The following CCDC149 variants were observed in gnomAD, a reference collection of about 807,000 sequenced individuals.
CCDC149 encodes the protein coiled-coil domain containing 149, also known as coiled-coil domain-containing protein 149.
Under a neutral mutation model 59.9 loss-of-function variants are expected in CCDC149, and 45 were observed. The ratio of observed to expected loss-of-function variants is 0.75; its 90% CI spans 0.59 to 0.96. The LOEUF is 0.96. CCDC149 is among the 40% of genes least tolerant of loss of function. The pLI is 0.00. For synonymous variants in CCDC149, 245 were observed against 260.6 expected, an observed-to-expected ratio of 0.94 and a Z score of 0.58; for missense variants, 584 against 664.7, an observed-to-expected ratio of 0.88 and a Z score of 1.33.
chr4:24,906,692 C>T (rs1721558311), intron 1 of CCDC149, among the ~76,000 whole-genome samples: 1 of 152,098 alleles, frequency 6.6e-6, no homozygotes, highest in African/African-American at 2.4e-5. Context: ...GCCACCGTGC[C>T]CGGCCAAATT....
rs1473086891 is a variant in CCDC149, at chr4:24,818,828, C to G, written c.1192+1031G>C. Among the ~76,000 whole-genome samples, 3 of 152,336 alleles carry G rather than the reference C, an allele frequency of 2.0e-5. No homozygotes were observed. In the South Asian group the frequency reaches 6.2e-4, roughly 32 times the overall value. On this transcript the variant is annotated intron_variant, in intron 12 of 12. Coordinates refer to ENST00000635206, the MANE Select transcript of CCDC149 (RefSeq NM_001330643.2). ...CTGTAGAAGTCACATACCCTCACTTCTGTATTCTACTAATCAAACAGACTG... is the reference window on the plus strand; with the variant it reads ...CTGTAGAAGTCACATACCCTCACTTGTGTATTCTACTAATCAAACAGACTG...
At chr4:24,964,487 A>G (rs1236448289) in intron 1 of CCDC149, among the ~76,000 whole-genome samples, 1 of 152,210 alleles carries the variant, frequency 6.6e-6, no homozygotes, top group Admixed American at 6.5e-5. Flanking sequence ...TCTAAATAAC[A>G]TGGGTCAATT....
chr4:24,964,497 T>G (rs1723740898), intron 1 of CCDC149, among the ~76,000 whole-genome samples: 1 of 152,184 alleles, frequency 6.6e-6, no homozygotes, highest in Non-Finnish European at 1.5e-5. Flanking sequence ...ATGGGTCAAT[T>G]AAGTTAGAAA....
At chr4:24,908,012 G>A (rs1336371030) in intron 1 of CCDC149, among the ~76,000 whole-genome samples, 7 of 152,052 alleles carry the variant, frequency 4.6e-5, no homozygotes, top group Non-Finnish European at 8.8e-5. Flanking sequence ...GCCCAAATTT[G>A]CCTCTTCTGA....
At position 24,814,486 on chromosome 4, in the gene CCDC149, C is replaced by T. The variant is rs1026518603; in HGVS notation, c.1192+5373G>A. ...ATCCAACCTGCTGGGAGACAGAAACCGTCCCTAAAGCTTCGCTACCCAAAG... is the reference window on the plus strand; with the variant it reads ...ATCCAACCTGCTGGGAGACAGAAACTGTCCCTAAAGCTTCGCTACCCAAAG... On this transcript the variant is annotated intron_variant, in intron 12 of 12. Transcript: ENST00000635206. 3.3e-5 allele frequency among the ~76,000 whole-genome samples: 5 copies of T among 152,154 alleles called. No homozygotes were observed. The East Asian group carries it at 7.7e-4, about 23-fold the overall frequency.
chr4:24,838,560 A>G (rs1174132663), intron 4 of CCDC149, among the ~76,000 whole-genome samples: 1 of 152,166 alleles, frequency 6.6e-6, no homozygotes, highest in Non-Finnish European at 1.5e-5. Flanking sequence ...ATTAAAATTT[A>G]GCGAAGATTC....
intron 1 of CCDC149, among the ~76,000 whole-genome samples, chr4:24,939,138 AC>A (rs1365926597): frequency 2.0e-5 from 3 of 151,924 alleles, no homozygotes; most frequent in Non-Finnish European, 4.4e-5. Flanking sequence ...ACTGGGAGGC[AC>A]CCCCCAGTAG....
At chr4:24,909,238 G>A (rs1721727558) in intron 1 of CCDC149, among the ~76,000 whole-genome samples, 1 of 152,162 alleles carries the variant, frequency 6.6e-6, no homozygotes. Context: ...GTGATGGAGA[G>A]GGGATCCAGG....
At chr4:24,818,757 C>A (rs1432807041) in intron 12 of CCDC149, among the ~76,000 whole-genome samples, 1 of 152,172 alleles carries the variant, frequency 6.6e-6, no homozygotes, top group Non-Finnish European at 1.5e-5. Context: ...AGTAAACAAC[C>A]CGAGAGAGAG....
intron 1 of CCDC149, among the ~76,000 whole-genome samples, chr4:24,972,829 T>C (rs748024566): frequency 1.3e-5 from 2 of 152,254 alleles, no homozygotes; most frequent in African/African-American, 2.4e-5. Flanking sequence ...TTTGTTTTTG[T>C]GGTGGAATTG....
intron 3 of CCDC149, among the ~76,000 whole-genome samples, chr4:24,871,001 C>T (rs145109503): frequency 1.6e-3 from 239 of 146,798 alleles, no homozygotes; most frequent in African/African-American, 5.7e-3. Flanking sequence ...GCTGAGATAG[C>T]GCCACCGCAC....
intron 1 of CCDC149, among the ~76,000 whole-genome samples, chr4:24,950,773 A>T (rs1053144340): frequency 9.9e-5 from 15 of 152,188 alleles, no homozygotes; most frequent in African/African-American, 3.1e-4. Context: ...CCCACCATAC[A>T]AGCTATGTTT....
At chr4:24,964,276 C>T (rs1455436712) in intron 1 of CCDC149, among the ~76,000 whole-genome samples, 1 of 151,410 alleles carries the variant, frequency 6.6e-6, no homozygotes, top group Non-Finnish European at 1.5e-5. Flanking sequence ...ACTGTATGGC[C>T]TCAGTAGTAG....
chr4:24,976,261 AAGCAACATGG>A (rs1432325432), intron 1 of CCDC149, among the ~76,000 whole-genome samples: 1 of 152,202 alleles, frequency 6.6e-6, no homozygotes, highest in African/African-American at 2.4e-5. Flanking sequence ...TTATCAAGGA[AAGCAACATGG>A]AGCACAGGCA....
intron 3 of CCDC149, among the ~76,000 whole-genome samples, chr4:24,856,849 A>G (rs1718043652): frequency 6.6e-6 from 1 of 152,230 alleles, no homozygotes; most frequent in Admixed American, 6.5e-5. Context: ...GGCAGCAAAC[A>G]TAATCCCTCC....
upstream of CCDC149, among the ~76,000 whole-genome samples, chr4:24,917,348 C>G (rs757398581): frequency 2.0e-5 from 3 of 152,232 alleles, no homozygotes; most frequent in Admixed American, 6.5e-5. Flanking sequence ...GCTGAACTGC[C>G]GCGCTCACAG....
chr4:24,826,743 G>A (rs897064729), intron 9 of CCDC149, among the ~76,000 whole-genome samples: 2 of 152,182 alleles, frequency 1.3e-5, no homozygotes, highest in African/African-American at 4.8e-5. Context: ...CTTAGAAGAT[G>A]TGCCTGACCC....
At chr4:24,971,121 G>A (rs1467873118) in intron 1 of CCDC149, among the ~76,000 whole-genome samples, 1 of 152,208 alleles carries the variant, frequency 6.6e-6, no homozygotes, top group Non-Finnish European at 1.5e-5. Flanking sequence ...CAGCAGCCCT[G>A]CAAAGGGTCT....
At chr4:24,902,515 T>A (rs1721226176) in intron 1 of CCDC149, among the ~76,000 whole-genome samples, 1 of 152,140 alleles carries the variant, frequency 6.6e-6, no homozygotes, top group African/African-American at 2.4e-5. Flanking sequence ...ATCTGGAGCA[T>A]CTCCGCAAAG....
Sources: gnomAD v4.1 joint callset for allele counts (sites outside exome capture counted in the v4.1 genomes callset) on GRCh38, gnomAD v4.1.1 for gene constraint, MANE v1.5 for transcripts, NCBI Gene and HGNC (gene_info 2026-07-23, HGNC 2026-07-21) for gene names.